Variants in APBA2 observed in about 807,000 individuals in gnomAD.
APBA2 encodes amyloid beta precursor protein binding family A member 2.
Under a neutral mutation model 75.0 loss-of-function variants are expected in APBA2, and 30 were observed. That is an observed-to-expected ratio of 0.40 (90% CI 0.30 to 0.54). The LOEUF is 0.54. APBA2 is among the 20% of genes least tolerant of loss of function. The pLI, the probability that APBA2 is intolerant of heterozygous loss-of-function variation, is 0.49. For synonymous variants in APBA2, 444 were observed against 409.6 expected (o/e 1.08, Z -1.01); for missense variants, 801 against 1,016.1 (o/e 0.79, Z 2.88).
At chr15:28,976,956 G>C (rs1291122633) in intron 2 of APBA2, 2 of 152,102 alleles carry the variant, frequency 1.3e-5, no homozygotes, top group Non-Finnish European at 2.9e-5. Flanking sequence ...TGCATTACTA[G>C]TGGCCAGATT....
intron 2 of APBA2, among the ~76,000 whole-genome samples, chr15:28,958,105 TCTG>T (rs2036271414): frequency 6.6e-6 from 1 of 152,236 alleles, no homozygotes; most frequent in Non-Finnish European, 1.5e-5. Flanking sequence ...GATTGCACTC[TCTG>T]CTTTCTCAAA....
chr15:29,109,223 A>T (rs1048404017), intron 13 of APBA2, among the ~76,000 whole-genome samples: 12 of 152,170 alleles, frequency 7.9e-5, no homozygotes, highest in Non-Finnish European at 1.6e-4. Context: ...GTGGGAGAAC[A>T]TTCTAGAAGG....
At chr15:28,911,791 G>A (rs1941967394) in intron 1 of APBA2, among the ~76,000 whole-genome samples, 1 of 152,170 alleles carries the variant, frequency 6.6e-6, no homozygotes, top group South Asian at 2.1e-4. Flanking sequence ...CAGTTTCAGT[G>A]CAGATTATAG....
At chr15:28,923,728 G>A (rs2034101852) in intron 2 of APBA2, among the ~76,000 whole-genome samples, 1 of 152,204 alleles carries the variant, frequency 6.6e-6, no homozygotes, top group Non-Finnish European at 1.5e-5. Flanking sequence ...GTGGCTGGGA[G>A]TCTGACTGCT....
chr15:28,950,493 G>T (rs576744004), intron 2 of APBA2, among the ~76,000 whole-genome samples: 1 of 152,096 alleles, frequency 6.6e-6, no homozygotes, highest in East Asian at 1.9e-4. Context: ...CAGGCGTGGT[G>T]GTGGGCACCT....
chr15:29,108,594 TG>T, intron 13 of APBA2: 1 of 751,386 alleles, frequency 1.3e-6, no homozygotes, highest in Non-Finnish European at 2.1e-6. Context: ...GGCCAGGGCA[TG>T]GCCGTGGATT....
chr15:29,106,523 G>A, intron 11 of APBA2, 84 bp from the exon 12 acceptor site: 9 of 1,467,794 alleles, frequency 6.1e-6, no homozygotes, highest in Non-Finnish European at 8.5e-6. Flanking sequence ...GCCAGGACAG[G>A]GTCAGCCTCA....
chr15:28,994,831 C>T (rs2152790829), intron 2 of APBA2, among the ~76,000 whole-genome samples: 1 of 152,306 alleles, frequency 6.6e-6, no homozygotes, highest in Non-Finnish European at 1.5e-5. Flanking sequence ...CCTACGACTG[C>T]AGACCCCAGG....
intron 2 of APBA2, chr15:28,970,294 A>G (rs941299854): frequency 7.9e-5 from 12 of 151,542 alleles, no homozygotes; most frequent in African/African-American, 2.9e-4. Flanking sequence ...TACAACGTAT[A>G]TATTATACAT....
At chr15:29,027,866 G>A (rs533737344) in intron 3 of APBA2, among the ~76,000 whole-genome samples, 5 of 152,162 alleles carry the variant, frequency 3.3e-5, no homozygotes, top group African/African-American at 1.2e-4. Flanking sequence ...GCCTCCCAAA[G>A]TGCTGGGATT....
chr15:29,117,117 C>G lies in APBA2; in HGVS notation c.2234C>G (p.Thr745Ser), dbSNP rs1380176337. The change falls in exon 15 of 15, where the codon ACC becomes AGC. Residue 745 changes from threonine (T) to serine (S), a missense_variant. Physicochemically the swap from Thr to Ser is moderately conservative, Grantham distance 58. Transcript: ENST00000683413. Reference sequence around the variant, plus strand: ...TTCAGGCTCCTCACGGGTCAGGAGACCCCGCTGTACATCTAGGCCACCCCA... The same window carrying G: ...TTCAGGCTCCTCACGGGTCAGGAGAGCCCGCTGTACATCTAGGCCACCCCA... The part of the protein sequence containing the change: ...AMFRLLTGQE[T>S]PLYI 6.2e-7 allele frequency: 1 copy of G among 1,613,240 alleles called. No homozygotes were observed. Among genetic ancestry groups the G allele is most frequent in the Admixed American group, 1.7e-5 (1 of 60,020 alleles).
intron 3 of APBA2, among the ~76,000 whole-genome samples, chr15:29,036,996 G>C (rs1304879345): frequency 6.6e-6 from 1 of 151,266 alleles, no homozygotes; most frequent in Non-Finnish European, 1.5e-5. Flanking sequence ...CTCCAGCCTG[G>C]ATAACAGAGA....
chr15:28,942,106 A>C (rs1352957275), intron 2 of APBA2, among the ~76,000 whole-genome samples: 1 of 152,220 alleles, frequency 6.6e-6, no homozygotes, highest in Admixed American at 6.5e-5. Flanking sequence ...TTTCTAAAAA[A>C]GTAAAATTAT....
chr15:29,007,802 G>A (rs558289415), intron 3 of APBA2, among the ~76,000 whole-genome samples: 8 of 152,230 alleles, frequency 5.3e-5, no homozygotes, highest in African/African-American at 1.7e-4. Context: ...GCAGCCCGTC[G>A]GAAAACAGTA....
rs1479703632 is a variant in APBA2, at chr15:29,046,925, G to C, written c.-40-6920G>C. Among the ~76,000 whole-genome samples the C allele has an allele frequency of 6.6e-6, 1 of 152,168 alleles. No homozygotes were observed. The highest frequency in any genetic ancestry group is 1.5e-5 in the Non-Finnish European group (1 of 68,038). On this transcript the variant is annotated intron_variant, in intron 3 of 14. Transcript: ENST00000683413. The surrounding 1 kb of genome is among the most constrained non-coding windows in gnomAD (Gnocchi z 5.0). ...CCATCTAAGACATTCACCTCATCAG[G>C]CATCTCTCCTGGACCATTTCATTGA...
At chr15:29,097,869 G>A (rs554032135) in intron 8 of APBA2, among the ~76,000 whole-genome samples, 8 of 152,236 alleles carry the variant, frequency 5.3e-5, no homozygotes, top group African/African-American at 1.4e-4. Context: ...CTGTGAGATC[G>A]ACATTTGTAG....
intron 4 of APBA2, among the ~76,000 whole-genome samples, chr15:29,056,423 C>G (rs114756006): frequency 1.2e-4 from 19 of 152,116 alleles, no homozygotes; most frequent in Non-Finnish European, 2.2e-4. Flanking sequence ...CACTTCTCCC[C>G]CTAAGGAGAA....
intron 14 of APBA2, among the ~76,000 whole-genome samples, chr15:29,114,491 A>G (rs2044935866): frequency 6.6e-6 from 1 of 152,002 alleles, no homozygotes; most frequent in Non-Finnish European, 1.5e-5. Context: ...AGAGCTCACA[A>G]GGAGGCAGGA....
In APBA2 at chr15:28,991,609, T is replaced by C. The variant is rs1241416100; in HGVS notation, c.-94-4144T>C. Reference sequence around the variant, plus strand: ...AGATGGCGCTGATCAGTCTGGGGGATACCTGCCTTTCAGTATGGGCTGCAG... The same window carrying C: ...AGATGGCGCTGATCAGTCTGGGGGACACCTGCCTTTCAGTATGGGCTGCAG... On this transcript the variant is annotated intron_variant, in intron 2 of 14. Coordinates refer to ENST00000683413, the MANE Select transcript of APBA2 (RefSeq NM_001353788.2). The surrounding 1 kb of genome is among the most constrained non-coding windows in gnomAD (Gnocchi z 4.7). Among the ~76,000 whole-genome samples the C allele has an allele frequency of 1.3e-5, 2 of 152,192 alleles. No individual in the cohort carries two copies. The highest frequency in any genetic ancestry group is 2.9e-5 in the Non-Finnish European group (2 of 68,024).
Sources: allele counts gnomAD v4.1 joint callset (sites outside exome capture counted in the v4.1 genomes callset), GRCh38; gene constraint gnomAD v4.1.1; non-coding constraint Gnocchi (gnomAD v3.1); transcripts MANE v1.5; gene names NCBI Gene and HGNC (gene_info 2026-07-23, HGNC 2026-07-21).